SSBP2: variants seen among roughly 807,000 people sequenced by gnomAD.
SSBP2 encodes the protein single-stranded DNA-binding protein 2.
In SSBP2, 17 loss-of-function variants were observed where a neutral mutation model predicts 61.8. The ratio of observed to expected loss-of-function variants is 0.28; its 90% CI spans 0.19 to 0.41. The LOEUF (loss-of-function observed/expected upper bound fraction) is 0.41. SSBP2 is among the 10% of genes least tolerant of loss of function. The pLI is 1.00. For missense variants in SSBP2, 310 were observed against 458.7 expected, an observed-to-expected ratio of 0.68 and a Z score of 2.96; for synonymous variants, 139 against 141.3, an observed-to-expected ratio of 0.98 and a Z score of 0.12.
chr5:81,671,328 T>C (rs540051174), intron 1 of SSBP2, among the ~76,000 whole-genome samples: 186 of 152,280 alleles, frequency 1.2e-3, no homozygotes, highest in Middle Eastern at 3.4e-3. Flanking sequence ...CCTAGTTTAA[T>C]ATATTAAGAT....
Position 81,412,807 on chromosome 5 carries a change from G to C in SSBP2, c.*7697C>G, listed in dbSNP as rs1253730384. On this transcript the variant is annotated 3_prime_UTR_variant, in exon 17 of 17. Transcript: ENST00000320672. ...ACTCACATTATGTATAGTCATATTT[G>C]CAGTAAAATACCAAAGTTTAATTCA... 6.6e-6 allele frequency among the ~76,000 whole-genome samples: 1 copy of C among 152,150 alleles called. No homozygotes were observed. The highest frequency in any genetic ancestry group is 1.5e-5 in the Non-Finnish European group (1 of 68,022).
intron 1 of SSBP2, chr5:81,710,731 C>T: frequency 2.2e-6 from 1 of 453,150 alleles, no homozygotes; most frequent in Non-Finnish European, 4.4e-6. Context: ...CAAGCATCAC[C>T]CTTACAAGAG....
intron 1 of SSBP2, among the ~76,000 whole-genome samples, chr5:81,671,828 G>A (rs1158046539): frequency 6.6e-6 from 1 of 152,116 alleles, no homozygotes; most frequent in African/African-American, 2.4e-5. Flanking sequence ...TGTTGAATAG[G>A]AAGAAACCAT....
intron 4 of SSBP2, among the ~76,000 whole-genome samples, chr5:81,562,583 C>A (rs1481296258): frequency 6.6e-6 from 1 of 152,116 alleles, no homozygotes; most frequent in African/African-American, 2.4e-5. Context: ...GCAAACCAAT[C>A]CATGTCCTAA....
chr5:81,616,928 C>T (rs1011657054), intron 3 of SSBP2, among the ~76,000 whole-genome samples: 10 of 145,682 alleles, frequency 6.9e-5, no homozygotes, highest in African/African-American at 2.6e-4. Flanking sequence ...CCAGAAAGGA[C>T]ATCTACACCG....
chr5:81,736,186 ACACT>A (rs66828331), intron 1 of SSBP2, among the ~76,000 whole-genome samples: 16,248 of 51,286 alleles, frequency 0.32, 1,002 homozygotes, highest in Admixed American at 0.44. Context: ...ACACACACAC[ACACT>A]CTACGGCACT....
At chr5:81,557,363 A>G (rs1772685505) in intron 4 of SSBP2, among the ~76,000 whole-genome samples, 1 of 151,920 alleles carries the variant, frequency 6.6e-6, no homozygotes, top group African/African-American at 2.4e-5. Flanking sequence ...ACTATCTTGG[A>G]TCTCTAAGTT....
chr5:81,433,299 T>C (rs1762454645), intron 15 of SSBP2, among the ~76,000 whole-genome samples: 1 of 152,134 alleles, frequency 6.6e-6, no homozygotes, highest in South Asian at 2.1e-4. Context: ...TGTTGATCTA[T>C]GACCTTACCC....
At chr5:81,594,350 T>C (rs369012717) in intron 4 of SSBP2, among the ~76,000 whole-genome samples, 1 of 152,128 alleles carries the variant, frequency 6.6e-6, no homozygotes, top group Non-Finnish European at 1.5e-5. Context: ...AGCAAGTCCT[T>C]AGTGACCTAC....
intron 4 of SSBP2, among the ~76,000 whole-genome samples, chr5:81,539,090 T>A (rs1370085046): frequency 6.6e-6 from 1 of 152,236 alleles, no homozygotes; most frequent in Non-Finnish European, 1.5e-5. Flanking sequence ...TGGAAAGAAT[T>A]CATTATTCTA....
intron 5 of SSBP2, among the ~76,000 whole-genome samples, chr5:81,512,410 G>T (rs901954534): frequency 1.1e-4 from 17 of 152,156 alleles, no homozygotes; most frequent in Non-Finnish European, 2.5e-4. Flanking sequence ...TTAGAATGAA[G>T]CATGGCATGT....
intron 4 of SSBP2, among the ~76,000 whole-genome samples, chr5:81,586,157 AC>A (rs1168800929): frequency 1.3e-5 from 2 of 152,204 alleles, no homozygotes; most frequent in Non-Finnish European, 2.9e-5. Context: ...TTGGATATAT[AC>A]CTAGAATTAG....
Position 81,718,332 on chromosome 5 carries a change from T to C in SSBP2, c.62+32649A>G, listed in dbSNP as rs1311576322. Among the ~76,000 whole-genome samples, 4 of 151,822 alleles carry C rather than the reference T, an allele frequency of 2.6e-5. No homozygotes were observed. The East Asian group carries it at 5.8e-4, about 22-fold the overall frequency. On this transcript the variant is annotated intron_variant, in intron 1 of 16. Transcript: ENST00000320672. ...GAGGAATGAGTAGACCCAAAGTGAC[T>C]GCTAGCAAAGAAAAACCCATTCGAA...
chr5:81,513,559 C>T (rs997772979), intron 5 of SSBP2, 69 bp downstream of exon 5: 2 of 954,640 alleles, frequency 2.1e-6, no homozygotes, highest in Non-Finnish European at 3.3e-6. Flanking sequence ...TATCTTCCTT[C>T]GTATCTTTAA....
chr5:81,446,832 A>T (rs140625220), intron 12 of SSBP2, 36 bp downstream of exon 12: 1 of 1,579,380 alleles, frequency 6.3e-7, no homozygotes, highest in African/African-American at 1.4e-5. Flanking sequence ...TTATTCTAAT[A>T]ATCAAATGCC....
intron 1 of SSBP2, among the ~76,000 whole-genome samples, chr5:81,696,827 A>T (rs1474186187): frequency 2.6e-5 from 4 of 152,210 alleles, no homozygotes; most frequent in Non-Finnish European, 5.9e-5. Context: ...ATGAAACTAT[A>T]AACTGCTACG....
At chr5:81,676,063 A>G (rs1751954193) in intron 1 of SSBP2, among the ~76,000 whole-genome samples, 1 of 152,162 alleles carries the variant, frequency 6.6e-6, no homozygotes, top group Admixed American at 6.6e-5. Flanking sequence ...TATTCACCTG[A>G]AAGTCCCTCA....
In SSBP2 at chr5:81,488,059, A is replaced by ATATATATTATATATATACATTATATATAT. The variant is rs1561459572; in HGVS notation, c.432+1190_432+1191insATATATATAATGTATATATATAATATATA. On this transcript the variant is annotated intron_variant, in intron 6 of 16. Coordinates refer to ENST00000320672, the MANE Select transcript of SSBP2 (RefSeq NM_012446.5). Reference sequence around the variant, plus strand: ...TATATATATATATATATATATATATAAATAAAATATCATATATTATATATA... The same window carrying ATATATATTATATATATACATTATATATAT: ...TATATATATATATATATATATATATATATATATTATATATATACATTATATATATAATAAAATATCATATATTATATATA... Among the ~76,000 whole-genome samples the ATATATATTATATATATACATTATATATAT allele has an allele frequency of 5.1e-4, 33 of 65,320 alleles. 1 individual carries two copies. Among genetic ancestry groups the ATATATATTATATATATACATTATATATAT allele is most frequent in the Admixed American group, 1.6e-3 (10 of 6,122 alleles). The allele number at this position is 65,320 out of a possible 152,430, so 42.9% of individuals were successfully genotyped here.
chr5:81,518,439 T>C (rs1371714783), intron 4 of SSBP2, among the ~76,000 whole-genome samples: 1 of 152,118 alleles, frequency 6.6e-6, no homozygotes, highest in East Asian at 1.9e-4. Flanking sequence ...ATAAAAGGGC[T>C]TGCTTGATGG....
Sources: gnomAD v4.1 joint callset for allele counts (sites outside exome capture counted in the v4.1 genomes callset) on GRCh38, gnomAD v4.1.1 for gene constraint, MANE v1.5 for transcripts, NCBI Gene and HGNC (gene_info 2026-07-23, HGNC 2026-07-21) for gene names.